Variants in CELSR1 observed in about 807,000 individuals in gnomAD.
The protein encoded by CELSR1 is cadherin EGF LAG seven-pass G-type receptor 1.
CELSR1 carries 110 observed loss-of-function variants against 249.1 expected under a neutral mutation model. The ratio of observed to expected loss-of-function variants is 0.44; its 90% CI spans 0.38 to 0.52. The LOEUF (loss-of-function observed/expected upper bound fraction) is 0.52, where lower values mean the gene tolerates loss of function less well. CELSR1 is among the 20% of genes least tolerant of loss of function. The pLI is 0.00. For synonymous variants in CELSR1, 2,113 were observed against 1,900.0 expected, an observed-to-expected ratio of 1.11 and a Z score of -2.92; for missense variants, 4,109 against 4,296.4, an observed-to-expected ratio of 0.96 and a Z score of 1.22.
chr22:46,379,680 C>T (rs546656361), intron 22 of CELSR1, among the ~76,000 whole-genome samples: 111 of 152,340 alleles, frequency 7.3e-4, no homozygotes, highest in African/African-American at 2.4e-3. Context: ...TAACCGGGCT[C>T]GCTCACCATA....
chr22:46,364,621 C>A lies in CELSR1; in HGVS notation c.8670G>T (p.Val2890=), dbSNP rs763098246. The part of the protein sequence containing the change: ...PRLKVETKVS[V]ELHREEQGSH... ...TGCCCTGCTCCTCGCGGTGCAGCTC[C>A]ACGCTGACCTTGGTCTCCACCTTCA... Residue 2890 remains valine, a synonymous_variant, in exon 33 of 35, where the codon GTG becomes GTT. Coordinates refer to ENST00000674500, the MANE Select transcript of CELSR1 (RefSeq NM_001378328.1). The A allele has an allele frequency of 1.9e-6, 3 of 1,612,722 alleles. No homozygotes were observed. The South Asian group carries it at 3.3e-5, about 18-fold the overall frequency.
intron 5 of CELSR1, among the ~76,000 whole-genome samples, chr22:46,424,618 G>A (rs1332992822): frequency 6.6e-6 from 1 of 152,066 alleles, no homozygotes; most frequent in Non-Finnish European, 1.5e-5. Context: ...CTTCCCTCCT[G>A]TCCCCAGCCC....
rs146724379 is a variant in CELSR1, at chr22:46,436,202, G to A, written c.4494C>T (p.Asp1498=). ...KHDFIALEIV[D]EQVQLTFSAG... ...CAGAGAAGGTGAGCTGCACCTGCTCGTCCACGATCTCCAGGGCGATGAAGT... is the reference window on the plus strand; with the variant it reads ...CAGAGAAGGTGAGCTGCACCTGCTCATCCACGATCTCCAGGGCGATGAAGT... Residue 1498 remains aspartate, a synonymous_variant, in exon 4 of 35, where the codon GAC becomes GAT. Transcript: ENST00000674500. The surrounding 1 kb of genome is among the most constrained non-coding windows in gnomAD (Gnocchi z 5.9). 56 of 1,613,914 alleles carry A rather than the reference G, an allele frequency of 3.5e-5. No individual in the cohort carries two copies. Among genetic ancestry groups the A allele is most frequent in the Admixed American group, 6.7e-5 (4 of 60,000 alleles).
intron 32 of CELSR1, 72 bp downstream of exon 32, chr22:46,365,158 CA>C (rs1350442715): frequency 1.3e-6 from 2 of 1,531,450 alleles, no homozygotes; most frequent in Non-Finnish European, 1.8e-6. Context: ...GGAAGGGACC[CA>C]GCCATAGCCA....
chr22:46,524,759 C>G (rs1168795753), intron 1 of CELSR1, among the ~76,000 whole-genome samples: 4 of 152,134 alleles, frequency 2.6e-5, no homozygotes, highest in African/African-American at 7.2e-5. Context: ...GAAGCAAAAG[C>G]CTAAGAATTC....
In CELSR1 at chr22:46,517,330, C is replaced by T. The variant is rs750987007; in HGVS notation, c.3544+16297G>A. ...CCTGCCACAAATGCAATGGGTTTCC[C>T]GGGCCAAACCGGAGACTTGGACGGC... On this transcript the variant is annotated intron_variant, in intron 1 of 34. Transcript: ENST00000674500. The surrounding 1 kb of genome is among the most constrained non-coding windows in gnomAD (Gnocchi z 5.4). Among the ~76,000 whole-genome samples, 2 of 152,228 alleles carry T rather than the reference C, an allele frequency of 1.3e-5. No homozygotes were observed. Among genetic ancestry groups the T allele is most frequent in the South Asian group, 2.1e-4 (1 of 4,826 alleles).
Position 46,363,816 on chromosome 22 carries a change from G to A in CELSR1, c.9035+180C>T. On this transcript the variant is annotated intron_variant, in intron 34 of 34. Coordinates refer to ENST00000674500, the MANE Select transcript of CELSR1 (RefSeq NM_001378328.1). This position sits in a 1 kb window ranked among gnomAD's most constrained non-coding sequence, Gnocchi z 4.3. ...GGATAGGGGGTCTGCCCATCTCCGG[G>A]GTATCCTCCTGACCTCAGCTGCAGC... The A allele has an allele frequency of 2.5e-6, 2 of 794,320 alleles. No homozygotes were observed. The highest frequency in any genetic ancestry group is 3.8e-6 in the Non-Finnish European group (2 of 525,574). 49.2% of individuals were successfully genotyped at this position (794,320 alleles called of 1,614,324 possible).
intron 2 of CELSR1, 128 bp from the exon 3 acceptor site, chr22:46,439,539 T>C (rs2079716316): frequency 1.4e-6 from 1 of 718,778 alleles, no homozygotes; most frequent in Non-Finnish European, 2.3e-6. Context: ...CCCGACTGAC[T>C]CCAGGACAGG....
intron 1 of CELSR1, among the ~76,000 whole-genome samples, chr22:46,470,242 G>A (rs569386385): frequency 6.6e-6 from 1 of 151,324 alleles, no homozygotes; most frequent in Non-Finnish European, 1.5e-5. Flanking sequence ...GGCCCAATAC[G>A]CAAAGGCCAC....
At chr22:46,364,864 A>C (rs2078749450) in intron 32 of CELSR1, 128 bp from the exon 33 acceptor site, 1 of 969,460 alleles carries the variant, frequency 1.0e-6, no homozygotes, top group Non-Finnish European at 1.5e-6. Flanking sequence ...CTGAACCCTA[A>C]AGGTGGGGAA....
intron 1 of CELSR1, among the ~76,000 whole-genome samples, chr22:46,515,354 T>C (rs2080616057): frequency 6.6e-6 from 1 of 152,206 alleles, no homozygotes; most frequent in Admixed American, 6.5e-5. Context: ...AAGGCTAGCT[T>C]GTGAGTGGAT....
chr22:46,385,730 T>A (rs985396354), intron 19 of CELSR1, among the ~76,000 whole-genome samples: 5 of 148,108 alleles, frequency 3.4e-5, no homozygotes, highest in African/African-American at 1.3e-4. Context: ...CAGGCTGGAG[T>A]GCAGTGGCAT....
In CELSR1 at chr22:46,464,176, G is replaced by C. The variant is rs771710644; in HGVS notation, c.3714C>G (p.Thr1238=). The C allele has an allele frequency of 6.2e-7, 1 of 1,613,640 alleles. No individual in the cohort carries two copies. Among genetic ancestry groups the C allele is most frequent in the African/African-American group, 1.3e-5 (1 of 74,930 alleles). The change falls in exon 2 of 35, where the codon ACC becomes ACG. Residue 1238 remains threonine, a synonymous_variant. Coordinates refer to ENST00000674500, the MANE Select transcript of CELSR1 (RefSeq NM_001378328.1). The surrounding 1 kb of genome is among the most constrained non-coding windows in gnomAD (Gnocchi z 8.5). ...CGTTGAAGACGAAGACGTCGTCCTTGGTGGTGGACAGCACGGCGGCCACCC... is the reference window on the plus strand; with the variant it reads ...CGTTGAAGACGAAGACGTCGTCCTTCGTGGTGGACAGCACGGCGGCCACCC... ...VEGVAAVLST[T]KDDVFVFNVQ...
In CELSR1 at chr22:46,378,615, C is replaced by T. The variant is rs1485276191; in HGVS notation, c.7359G>A (p.Val2453=). 1.3e-6 allele frequency: 2 copies of T among 1,589,328 alleles called. No homozygotes were observed. The highest frequency in any genetic ancestry group is 2.7e-5 in the African/African-American group (2 of 74,652). The change falls in exon 23 of 35, where the codon GTG becomes GTA. Residue 2453 remains valine, a synonymous_variant. Coordinates refer to ENST00000674500, the MANE Select transcript of CELSR1 (RefSeq NM_001378328.1). Reference sequence around the variant, plus strand: ...CCTCACGCCTGGAGATATCCATGAGCACCGCAAAGCTGGCTGTGTGGCTGC... The same window carrying T: ...CCTCACGCCTGGAGATATCCATGAGTACCGCAAAGCTGGCTGTGTGGCTGC... The part of the protein sequence containing the change: ...CQCSHTASFA[V]LMDISRRENG...
chr22:46,441,154 A>T lies in CELSR1; in HGVS notation c.4184-1743T>A, dbSNP rs927122803. 3.3e-4 allele frequency among the ~76,000 whole-genome samples: 42 copies of T among 128,776 alleles called. No homozygotes were observed. Among genetic ancestry groups the T allele is most frequent in the African/African-American group, 1.7e-3 (41 of 23,600 alleles). The allele number at this position is 128,776 out of a possible 152,430, so 84.5% of individuals were successfully genotyped here. On this transcript the variant is annotated intron_variant, in intron 2 of 34. Coordinates refer to ENST00000674500, the MANE Select transcript of CELSR1 (RefSeq NM_001378328.1). This position sits in a 1 kb window ranked among gnomAD's most constrained non-coding sequence, Gnocchi z 6.1. ...GGTGCCAGAGCGAGACTTCATTTCA[A>T]AAAAAAAAAAAAAAGAGAGACTGCT...
chr22:46,385,002 G>A (rs1291164903), intron 19 of CELSR1, among the ~76,000 whole-genome samples: 2 of 152,026 alleles, frequency 1.3e-5, no homozygotes, highest in African/African-American at 4.8e-5. Context: ...ATGTCGGCCA[G>A]GCTGGTCTCA....
chr22:46,508,445 G>GCCCCTTGCTGT (rs2080539016), intron 1 of CELSR1, among the ~76,000 whole-genome samples: 1 of 11,124 alleles, frequency 9.0e-5, no homozygotes, highest in African/African-American at 3.2e-4. Flanking sequence ...CCCCACCCCC[G>GCCCCTTGCTGT]CCCCTTGCTG....
chr22:46,460,447 G>A (rs4823814), intron 2 of CELSR1, among the ~76,000 whole-genome samples: 1 of 152,066 alleles, frequency 6.6e-6, no homozygotes, highest in Admixed American at 6.5e-5. Context: ...AGATGGATGG[G>A]GAGGAGACAC....
intron 1 of CELSR1, among the ~76,000 whole-genome samples, chr22:46,511,367 C>T: frequency 6.6e-6 from 1 of 152,188 alleles, no homozygotes; most frequent in South Asian, 2.1e-4. Flanking sequence ...AGCCCAGGGC[C>T]CCCACCACAA....
Sources: gnomAD v4.1 joint callset for allele counts (sites outside exome capture counted in the v4.1 genomes callset) on GRCh38, gnomAD v4.1.1 for gene constraint, Gnocchi (gnomAD v3.1) non-coding constraint, MANE v1.5 for transcripts, NCBI Gene and HGNC (gene_info 2026-07-23, HGNC 2026-07-21) for gene names.